TMEM108: variants seen among roughly 807,000 people sequenced by gnomAD.
TMEM108 encodes cancer/testis antigen 124.
Under a neutral mutation model 35.1 loss-of-function variants are expected in TMEM108, and 12 were observed. The ratio of observed to expected loss-of-function variants is 0.34; its 90% CI spans 0.22 to 0.55. The LOEUF (loss-of-function observed/expected upper bound fraction) is 0.55. Ranked by LOEUF, TMEM108 falls within the 20% of genes least tolerant of loss-of-function variation. The probability of loss-of-function intolerance (pLI) is 0.89; values close to 1 mark genes in which losing one functional copy is unlikely to be tolerated. For missense variants in TMEM108, 680 were observed against 753.3 expected, an observed-to-expected ratio of 0.90 and a Z score of 1.14; for synonymous variants, 287 against 308.6, an observed-to-expected ratio of 0.93 and a Z score of 0.73.
At chr3:133,189,668 A>T (rs1293784642) in intron 2 of TMEM108, among the ~76,000 whole-genome samples, 1 of 152,202 alleles carries the variant, frequency 6.6e-6, no homozygotes, top group African/African-American at 2.4e-5. Context: ...CAGTGTTCTA[A>T]AGAGATTGGT....
At chr3:133,289,805 C>T (rs1947037238) in intron 3 of TMEM108, among the ~76,000 whole-genome samples, 1 of 152,110 alleles carries the variant, frequency 6.6e-6, no homozygotes, top group South Asian at 2.1e-4. Flanking sequence ...CCAAGGGCCA[C>T]TCGAATCAAA....
At chr3:133,141,152 C>G (rs1370575094) in intron 2 of TMEM108, among the ~76,000 whole-genome samples, 1 of 152,156 alleles carries the variant, frequency 6.6e-6, no homozygotes, top group Non-Finnish European at 1.5e-5. Flanking sequence ...GCCAAATAGT[C>G]TCATTTCTTT....
At chr3:133,387,853 T>C (rs1383648688) in intron 4 of TMEM108, 2 of 985,336 alleles carry the variant, frequency 2.0e-6, no homozygotes, top group Non-Finnish European at 2.4e-6. Context: ...TTTTGCCCTA[T>C]TGACTAGGCC....
Position 133,143,511 on chromosome 3 carries a change from T to A in TMEM108, c.-46-85755T>A, listed in dbSNP as rs147714515. Among the ~76,000 whole-genome samples the A allele has an allele frequency of 4.1e-3, 624 of 152,342 alleles. 4 individuals carry two copies. The highest frequency in any genetic ancestry group is 0.014 in the African/African-American group (564 of 41,584). ...TAACAGCTCCAGAAGCAAAACTGCTTATGAAGCATAAGAGTTTGCATTAAT... is the reference window on the plus strand; with the variant it reads ...TAACAGCTCCAGAAGCAAAACTGCTAATGAAGCATAAGAGTTTGCATTAAT... On this transcript the variant is annotated intron_variant, in intron 2 of 5. Coordinates refer to ENST00000321871, the MANE Select transcript of TMEM108 (RefSeq NM_023943.4).
chr3:133,334,465 G>A (rs1029139675), intron 3 of TMEM108, among the ~76,000 whole-genome samples: 2 of 152,178 alleles, frequency 1.3e-5, no homozygotes, highest in South Asian at 4.1e-4. Context: ...ATGTCATTAT[G>A]GGTGTATGAA....
rs867141909 is a variant in TMEM108 at position 133,227,482 on chromosome 3, C to T, written c.-46-1784C>T. 1.5e-4 allele frequency among the ~76,000 whole-genome samples: 22 copies of T among 148,930 alleles called. No individual in the cohort carries two copies. In the East Asian group the frequency reaches 1.6e-3, roughly 11 times the overall value. ...TGCTGGGATTACAGGCGTGAGCCAC[C>T]GCGCCCGGCCTAAGGAAGGCCTTTC... On this transcript the variant is annotated intron_variant, in intron 2 of 5. Transcript: ENST00000321871.
At chr3:133,175,114 G>T (rs898254254) in intron 2 of TMEM108, among the ~76,000 whole-genome samples, 1 of 152,144 alleles carries the variant, frequency 6.6e-6, no homozygotes, top group African/African-American at 2.4e-5. Flanking sequence ...AGTGAGAAGG[G>T]AAGTTTAGAG....
intron 2 of TMEM108, among the ~76,000 whole-genome samples, chr3:133,159,529 A>G (rs1005351115): frequency 4.6e-5 from 7 of 152,184 alleles, no homozygotes; most frequent in African/African-American, 1.7e-4. Flanking sequence ...TTCCAGGAGC[A>G]GCACTACAGG....
chr3:133,078,886 A>T (rs1178582353), intron 2 of TMEM108, among the ~76,000 whole-genome samples: 1 of 152,230 alleles, frequency 6.6e-6, no homozygotes, highest in Non-Finnish European at 1.5e-5. Context: ...CAGCGAATAG[A>T]TATTGACATA....
At chr3:133,284,521 G>A (rs1946958415) in intron 3 of TMEM108, among the ~76,000 whole-genome samples, 1 of 152,158 alleles carries the variant, frequency 6.6e-6, no homozygotes, top group Non-Finnish European at 1.5e-5. Flanking sequence ...ACTACACAAT[G>A]GCTGACATTC....
At chr3:133,047,615 C>G (rs368237606) in intron 2 of TMEM108, among the ~76,000 whole-genome samples, 161 of 152,276 alleles carry the variant, frequency 1.1e-3, no homozygotes, top group South Asian at 7.5e-3. Context: ...CCAGTATCTC[C>G]CTCCCTGTTT....
intron 2 of TMEM108, among the ~76,000 whole-genome samples, chr3:133,068,164 A>C (rs1429432746): frequency 2.0e-5 from 3 of 151,976 alleles, no homozygotes; most frequent in Non-Finnish European, 4.4e-5. Flanking sequence ...ACCTCCCAAC[A>C]CTGTTGCATT....
chr3:133,179,134 A>T (rs1437524231), intron 2 of TMEM108, among the ~76,000 whole-genome samples: 2 of 151,394 alleles, frequency 1.3e-5, no homozygotes, highest in African/African-American at 4.8e-5. Context: ...TAGAATGGCG[A>T]TCATTAAAAA....
At chr3:133,210,167 G>A (rs1306197472) in intron 2 of TMEM108, among the ~76,000 whole-genome samples, 2 of 152,190 alleles carry the variant, frequency 1.3e-5, no homozygotes. Context: ...AAGAGAATAA[G>A]TGGGCCTGGC....
intron 3 of TMEM108, among the ~76,000 whole-genome samples, chr3:133,238,544 C>T (rs1455851243): frequency 1.3e-5 from 2 of 152,206 alleles, no homozygotes; most frequent in African/African-American, 4.8e-5. Flanking sequence ...TTCTGAGCCT[C>T]TGCCACTAAA....
At chr3:133,215,132 C>A (rs1159170711) in intron 2 of TMEM108, among the ~76,000 whole-genome samples, 1 of 152,054 alleles carries the variant, frequency 6.6e-6, no homozygotes, top group Non-Finnish European at 1.5e-5. Flanking sequence ...ATGTACCCTT[C>A]TTTTATGTGT....
At chr3:133,303,769 C>G (rs1213006514) in intron 3 of TMEM108, among the ~76,000 whole-genome samples, 1 of 152,114 alleles carries the variant, frequency 6.6e-6, no homozygotes, top group Non-Finnish European at 1.5e-5. Flanking sequence ...AACAAGATAT[C>G]AAATAAGTCC....
At chr3:133,047,356 C>T (rs570486902) in intron 2 of TMEM108, among the ~76,000 whole-genome samples, 6 of 152,264 alleles carry the variant, frequency 3.9e-5, no homozygotes, top group African/African-American at 1.4e-4. Context: ...AAAAGTATAG[C>T]ATGTCAGAAA....
chr3:133,040,217 T>TG (rs1456764526), intron 1 of TMEM108, among the ~76,000 whole-genome samples: 6 of 150,630 alleles, frequency 4.0e-5, no homozygotes, highest in African/African-American at 1.5e-4. Context: ...TTTTTTTTTT[T>TG]TTTTGAGACG....
Sources: gnomAD v4.1 joint callset for allele counts (sites outside exome capture counted in the v4.1 genomes callset) on GRCh38, gnomAD v4.1.1 for gene constraint, MANE v1.5 for transcripts, NCBI Gene and HGNC (gene_info 2026-07-23, HGNC 2026-07-21) for gene names.